The following GTF2A2 variants were observed in gnomAD, a reference collection of about 807,000 sequenced individuals.
GTF2A2 encodes transcription initiation factor IIA subunit 2.
Under a neutral mutation model 14.3 loss-of-function variants are expected in GTF2A2, and 9 were observed. That is an observed-to-expected ratio of 0.63 (90% CI 0.38 to 1.10). GTF2A2 has a LOEUF of 1.10. Ranked by LOEUF, GTF2A2 falls within the 50% of genes least tolerant of loss-of-function variation. The pLI, the probability that GTF2A2 is intolerant of heterozygous loss-of-function variation, is 0.01. For missense variants in GTF2A2, 90 were observed against 124.6 expected (o/e 0.72, Z 1.32); for synonymous variants, 56 against 46.0 (o/e 1.22, Z -0.88).
intron 4 of GTF2A2, among the ~76,000 whole-genome samples, chr15:59,641,550 T>G (rs192743681): frequency 6.6e-6 from 1 of 152,180 alleles, no homozygotes; most frequent in Admixed American, 6.5e-5. Context: ...TGAAGTATAT[T>G]TAAAATAATA....
At chr15:59,648,783 A>G (rs1487946273) in intron 3 of GTF2A2, among the ~76,000 whole-genome samples, 1 of 152,002 alleles carries the variant, frequency 6.6e-6, no homozygotes, top group Non-Finnish European at 1.5e-5. Flanking sequence ...AAATACAAAA[A>G]ATTAGCCAGG....
At chr15:59,653,797 T>C (rs934357067) in intron 1 of GTF2A2, among the ~76,000 whole-genome samples, 3 of 152,214 alleles carry the variant, frequency 2.0e-5, no homozygotes, top group Non-Finnish European at 4.4e-5. Context: ...ACCATGTTTC[T>C]GATGCTACTC....
intron 3 of GTF2A2, among the ~76,000 whole-genome samples, chr15:59,646,835 A>C (rs866987414): frequency 1.3e-5 from 2 of 152,040 alleles, no homozygotes; most frequent in African/African-American, 4.8e-5. Context: ...GAAATAATAT[A>C]ATCTTTTTAG....
At chr15:59,640,859 T>A (rs1891394682) in intron 4 of GTF2A2, among the ~76,000 whole-genome samples, 1 of 3,558 alleles carries the variant, frequency 2.8e-4, no homozygotes, top group Admixed American at 5.6e-3. Flanking sequence ...CAAATATTGT[T>A]CCTTGCTGTA....
intron 3 of GTF2A2, among the ~76,000 whole-genome samples, chr15:59,643,519 C>T (rs1358956268): frequency 6.0e-5 from 9 of 149,622 alleles, no homozygotes; most frequent in Non-Finnish European, 3.0e-5. Context: ...GCCCAGGACA[C>T]ATTCTTATAA....
chr15:59,639,898 G>A (rs180844154), intron 4 of GTF2A2, among the ~76,000 whole-genome samples: 1 of 152,018 alleles, frequency 6.6e-6, no homozygotes, highest in Non-Finnish European at 1.5e-5. Context: ...TTACAGGCGG[G>A]TACCACCATG....
At chr15:59,654,021 T>G (rs1360468564) in intron 1 of GTF2A2, among the ~76,000 whole-genome samples, 1 of 152,198 alleles carries the variant, frequency 6.6e-6, no homozygotes, top group Admixed American at 6.5e-5. Context: ...CACCATCATC[T>G]GTCACTAAAG....
At chr15:59,641,731 G>A (rs1406217930) in intron 4 of GTF2A2, among the ~76,000 whole-genome samples, 1 of 152,052 alleles carries the variant, frequency 6.6e-6, no homozygotes, top group African/African-American at 2.4e-5. Context: ...AAGTTCTTAT[G>A]GCTAATTAAA....
chr15:59,638,328 T>TAAGA lies in GTF2A2; in HGVS notation c.*800_*803dup, dbSNP rs1196624331. On this transcript the variant is annotated 3_prime_UTR_variant, in exon 5 of 5. Transcript: ENST00000396060. ...AATTGGGTCAATCCAGTTAACCATG[T>TAAGA]AAGAAACTCCTCACCTAGGGTCAGT... 2.1e-4 allele frequency: 32 copies of TAAGA among 152,318 alleles called. No individual in the cohort carries two copies. The highest frequency in any genetic ancestry group is 1.7e-3 in the Admixed American group (26 of 15,290). The allele number at this position is 152,318 out of a possible 1,614,324, so 9.4% of individuals were successfully genotyped here. A position where few individuals can be genotyped will look rare whatever the true frequency, so the allele number is the denominator to read the frequency against.
chr15:59,651,705 G>A (rs1384324617), intron 2 of GTF2A2: 2 of 152,122 alleles, frequency 1.3e-5, no homozygotes, highest in African/African-American at 2.4e-5. Flanking sequence ...TATTTATTTA[G>A]AGGCAGGATG....
chr15:59,654,188 G>A (rs1424459165), intron 1 of GTF2A2, among the ~76,000 whole-genome samples: 2 of 152,148 alleles, frequency 1.3e-5, no homozygotes, highest in African/African-American at 4.8e-5. Flanking sequence ...GAAAACCACA[G>A]AGTCCATGGC....
rs543178394 is a variant in GTF2A2, at chr15:59,646,457, C to T, written c.178-4195G>A. Among the ~76,000 whole-genome samples, 137 of 152,262 alleles carry T rather than the reference C, an allele frequency of 9.0e-4. 1 individual carries two copies. The highest frequency in any genetic ancestry group is 3.4e-3 in the Middle Eastern group (1 of 294). On this transcript the variant is annotated intron_variant, in intron 3 of 4. Coordinates refer to ENST00000396060, the MANE Select transcript of GTF2A2 (RefSeq NM_004492.3). Reference sequence around the variant, plus strand: ...CATATCATTCTTATGCCTTTGTGTCCTCATAGCTTAGCTTGCAGTAAATTA... The same window carrying T: ...CATATCATTCTTATGCCTTTGTGTCTTCATAGCTTAGCTTGCAGTAAATTA...
At chr15:59,651,416 A>C (rs1891789049) in intron 2 of GTF2A2, 1 of 152,344 alleles carries the variant, frequency 6.6e-6, no homozygotes, top group African/African-American at 2.4e-5. Context: ...ACCTTGGGTG[A>C]TCCGCCTGCC....
intron 3 of GTF2A2, among the ~76,000 whole-genome samples, chr15:59,648,076 G>C (rs1891664568): frequency 6.6e-6 from 1 of 151,932 alleles, no homozygotes; most frequent in South Asian, 2.1e-4. Context: ...TTTTATCTAT[G>C]GGCATATGTT....
At chr15:59,640,329 A>G (rs1439083935) in intron 4 of GTF2A2, 5 of 152,198 alleles carry the variant, frequency 3.3e-5, no homozygotes. Context: ...GTATCTTTAC[A>G]TGGATTCTTT....
At chr15:59,643,917 T>C (rs1273912120) in intron 3 of GTF2A2, among the ~76,000 whole-genome samples, 2 of 151,750 alleles carry the variant, frequency 1.3e-5, no homozygotes, top group Non-Finnish European at 2.9e-5. Flanking sequence ...TTTTTTGAGA[T>C]AGAGTCTCAC....
Position 59,642,127 on chromosome 15 carries a change from A to G in GTF2A2, c.304+9T>C, listed in dbSNP as rs143067220. ...AAGTAGCTTTCACAGAAATAAGGCA[A>G]GCACTTACTTTTACCATCACAGGCT... On this transcript the variant is annotated intron_variant, in intron 4 of 4. Transcript: ENST00000396060. 5.9e-5 allele frequency: 94 copies of G among 1,600,166 alleles called. No homozygotes were observed. In the East Asian group the frequency reaches 2.1e-3, roughly 35 times the overall value.
At chr15:59,653,213 G>A (rs998948013) in intron 1 of GTF2A2, among the ~76,000 whole-genome samples, 1 of 152,120 alleles carries the variant, frequency 6.6e-6, no homozygotes, top group Non-Finnish European at 1.5e-5. Flanking sequence ...AGAAACAGAT[G>A]AGGGATGGGG....
chr15:59,643,832 A>G (rs1179008460), intron 3 of GTF2A2, among the ~76,000 whole-genome samples: 2 of 151,950 alleles, frequency 1.3e-5, no homozygotes, highest in East Asian at 3.9e-4. Flanking sequence ...TCCTGACCTC[A>G]GGTGATCTGC....
Sources: gnomAD v4.1 joint callset for allele counts (sites outside exome capture counted in the v4.1 genomes callset) on GRCh38, gnomAD v4.1.1 for gene constraint, MANE v1.5 for transcripts, NCBI Gene and HGNC (gene_info 2026-07-23, HGNC 2026-07-21) for gene names.